PDE12: variants seen among roughly 807,000 people sequenced by gnomAD.
PDE12 encodes phosphodiesterase 12.
A neutral mutation model predicts 45.4 loss-of-function variants in PDE12; 26 were observed. The observed-to-expected ratio is 0.57, with a 90% CI of 0.42 to 0.79. The LOEUF (loss-of-function observed/expected upper bound fraction) is 0.79. Among genes scored for constraint, PDE12 ranks in the 30% least tolerant of loss-of-function variants. PDE12 has a pLI of 0.00. For synonymous variants in PDE12, 283 were observed against 323.9 expected, an observed-to-expected ratio of 0.87 and a Z score of 1.36; for missense variants, 668 against 790.0, an observed-to-expected ratio of 0.85 and a Z score of 1.85.
the PDE12 span, among the ~76,000 whole-genome samples, chr3:57,587,483 G>A: frequency 2.0e-5 from 3 of 151,694 alleles, no homozygotes; most frequent in East Asian, 3.8e-4. Flanking sequence ...TATGAATACT[G>A]TATGAATAAT....
chr3:57,635,422 C>A, the PDE12 span, among the ~76,000 whole-genome samples: 2 of 152,110 alleles, frequency 1.3e-5, no homozygotes, highest in African/African-American at 4.8e-5. Flanking sequence ...CCTAAACAAC[C>A]CTTATAACAG....
At chr3:57,624,751 A>G in the PDE12 span, among the ~76,000 whole-genome samples, 21 of 151,738 alleles carry the variant, frequency 1.4e-4, no homozygotes, top group African/African-American at 4.8e-4. Context: ...GTGACAGTGC[A>G]AGACTCCGTC....
the PDE12 span, among the ~76,000 whole-genome samples, chr3:57,644,388 C>G: frequency 6.6e-6 from 1 of 151,880 alleles, no homozygotes; most frequent in Admixed American, 6.6e-5. Flanking sequence ...TCACTGCAAC[C>G]TCTGCCTCCT....
the PDE12 span, chr3:57,626,510 G>A: frequency 6.6e-6 from 1 of 152,118 alleles, no homozygotes; most frequent in Admixed American, 6.6e-5. Context: ...GGGAGTTTGA[G>A]ACCAGCCTGA....
the PDE12 span, among the ~76,000 whole-genome samples, chr3:57,614,559 T>G: frequency 1.9e-4 from 26 of 135,416 alleles, no homozygotes; most frequent in African/African-American, 6.6e-4. Flanking sequence ...TTTTTTTTTT[T>G]TTTGAGAGGA....
chr3:57,610,640 T>A, the PDE12 span, among the ~76,000 whole-genome samples: 2 of 152,056 alleles, frequency 1.3e-5, no homozygotes, highest in African/African-American at 4.8e-5. Context: ...TCACAATTGC[T>A]TCAAAGAGAA....
rs2069778164 is a variant in PDE12, at chr3:57,565,510, T to C, written c.*5506T>C. 6.6e-6 allele frequency: 1 copy of C among 152,216 alleles called. No homozygotes were observed. Among genetic ancestry groups the C allele is most frequent in the Non-Finnish European group, 1.5e-5 (1 of 68,044 alleles). The allele number at this position is 152,216 out of a possible 1,614,324, so 9.4% of individuals were successfully genotyped here. ...TTCTAAAATGTGATATACACACTTT[T>C]AAAAGGATTTATTGCGCTGGGCGCG... On this transcript the variant is annotated 3_prime_UTR_variant, in exon 3 of 3. Coordinates refer to ENST00000311180, the MANE Select transcript of PDE12 (RefSeq NM_177966.7).
chr3:57,591,094 A>G, the PDE12 span, among the ~76,000 whole-genome samples: 10 of 152,200 alleles, frequency 6.6e-5, no homozygotes, highest in Admixed American at 5.9e-4. Flanking sequence ...AGTCTTGCAG[A>G]AAAATTAGAA....
chr3:57,606,225 T>C, the PDE12 span, among the ~76,000 whole-genome samples: 4 of 152,084 alleles, frequency 2.6e-5, no homozygotes, highest in East Asian at 7.7e-4. Context: ...AGAGGAAATC[T>C]TAAAAGCAGT....
At chr3:57,577,498 C>T in the PDE12 span, 1 of 811,218 alleles carries the variant, frequency 1.2e-6, no homozygotes, top group East Asian at 2.5e-5. Flanking sequence ...GAAAATGTCT[C>T]TTTAAAAGTA....
chr3:57,617,580 G>A, the PDE12 span, among the ~76,000 whole-genome samples: 1 of 152,020 alleles, frequency 6.6e-6, no homozygotes, highest in Admixed American at 6.6e-5. Context: ...AGAGTGGATA[G>A]GGCCAGGCTC....
the PDE12 span, among the ~76,000 whole-genome samples, chr3:57,577,992 A>G: frequency 3.9e-5 from 6 of 152,042 alleles, no homozygotes; most frequent in African/African-American, 1.4e-4. Context: ...CGGAGGTTGC[A>G]GGGAGCTGAA....
the PDE12 span, among the ~76,000 whole-genome samples, chr3:57,590,161 T>TA: frequency 1.3e-5 from 2 of 149,360 alleles, no homozygotes; most frequent in Non-Finnish European, 3.0e-5. Flanking sequence ...AGAACATCTA[T>TA]AAAAAACCTA....
At chr3:57,591,576 C>T in the PDE12 span, among the ~76,000 whole-genome samples, 1 of 151,666 alleles carries the variant, frequency 6.6e-6, no homozygotes, top group Non-Finnish European at 1.5e-5. Flanking sequence ...AAGGGATTCT[C>T]GTGCCTCGGC....
At chr3:57,653,133 T>A in the PDE12 span, among the ~76,000 whole-genome samples, 1 of 152,204 alleles carries the variant, frequency 6.6e-6, no homozygotes, top group South Asian at 2.1e-4. Flanking sequence ...AAAAAAGTCT[T>A]CTGTATTGTA....
Position 57,556,569 on chromosome 3 carries a change from C to A in PDE12, c.190C>A (p.Gln64Lys), listed in dbSNP as rs1433042136. Residue 64 changes from glutamine (Q) to lysine (K), a missense_variant, in exon 1 of 3, where the codon CAG becomes AAG. Coordinates refer to ENST00000311180, the MANE Select transcript of PDE12 (RefSeq NM_177966.7). This position sits in a 1 kb window ranked among gnomAD's most constrained non-coding sequence, Gnocchi z 5.0. ...GGCTGATGGTAGCCACAAGAACATG[C>A]AGCGCGACCAGAGCGAGCCGCTGGG... ...ALADGSHKNM[Q>K]RDQSEPLGRV... is the part of the protein sequence containing the mutation. 1.2e-6 allele frequency: 2 copies of A among 1,613,330 alleles called. No individual in the cohort carries two copies. Among genetic ancestry groups the A allele is most frequent in the African/African-American group, 2.7e-5 (2 of 74,948 alleles).
At position 57,557,054 on chromosome 3, in the gene PDE12, G is replaced by T. The variant is rs776711400; in HGVS notation, c.675G>T (p.Trp225Cys). The change falls in exon 1 of 3, where the codon TGG (tryptophan) becomes TGT (cysteine). Residue 225 changes from tryptophan to cysteine, a missense_variant. Trp to Cys is a radical substitution (Grantham distance 215, BLOSUM62 -2). Transcript: ENST00000311180. The part of the protein sequence containing the change: ...SLSPSSPSSS[W>C]TETDVEERVY... ...CTCCCTCCTCACCTTCTTCTTCTTG[G>T]ACTGAGACTGATGTGGAGGAGCGTG... 5 of 1,613,870 alleles carry T rather than the reference G, an allele frequency of 3.1e-6. No homozygotes were observed. In the Admixed American group the frequency reaches 6.7e-5, roughly 22 times the overall value.
chr3:57,600,361 CCTTTCTTTT>C, the PDE12 span, among the ~76,000 whole-genome samples: 1 of 141,334 alleles, frequency 7.1e-6, no homozygotes, highest in Non-Finnish European at 1.6e-5. Context: ...TTCTTTCTTT[CCTTTCTTTT>C]CTTTCTTTCT....
At chr3:57,586,182 T>C in the PDE12 span, among the ~76,000 whole-genome samples, 3 of 152,226 alleles carry the variant, frequency 2.0e-5, no homozygotes, top group Admixed American at 6.5e-5. Context: ...AATAACCTCA[T>C]TGAATCTATC....
Sources: gnomAD v4.1 joint callset for allele counts (sites outside exome capture counted in the v4.1 genomes callset) on GRCh38, gnomAD v4.1.1 for gene constraint, Gnocchi (gnomAD v3.1) non-coding constraint, MANE v1.5 for transcripts, NCBI Gene and HGNC (gene_info 2026-07-23, HGNC 2026-07-21) for gene names.